The following ROBO2 variants were observed in gnomAD, a reference collection of about 807,000 sequenced individuals.
ROBO2 encodes the protein roundabout homolog 2.
Under a neutral mutation model 160.8 loss-of-function variants are expected in ROBO2, and 53 were observed. The observed-to-expected ratio is 0.33, with a 90% CI of 0.26 to 0.41. ROBO2 has a LOEUF of 0.41. Ranked by LOEUF, ROBO2 falls within the 10% of genes least tolerant of loss-of-function variation. The pLI is 1.00. For synonymous variants in ROBO2, 664 were observed against 611.7 expected (o/e 1.09, Z -1.26); for missense variants, 1,577 against 1,722.4 (o/e 0.92, Z 1.49).
At chr3:76,545,893 A>G (rs990526526) in intron 2 of ROBO2, among the ~76,000 whole-genome samples, 2 of 151,796 alleles carry the variant, frequency 1.3e-5, no homozygotes, top group Non-Finnish European at 3.0e-5. Context: ...GCAATATTCT[A>G]TTTATTACGA....
intron 2 of ROBO2, among the ~76,000 whole-genome samples, chr3:77,324,458 G>C (rs1448638399): frequency 6.6e-6 from 1 of 152,084 alleles, no homozygotes; most frequent in Non-Finnish European, 1.5e-5. Context: ...CAGTTGTAGG[G>C]AAAGTAGAAA....
At chr3:77,246,575 C>T (rs1169235861) in intron 2 of ROBO2, among the ~76,000 whole-genome samples, 1 of 151,478 alleles carries the variant, frequency 6.6e-6, no homozygotes, top group Non-Finnish European at 1.5e-5. Context: ...CAAAATGAGC[C>T]CACCCCCATG....
chr3:76,109,582 GT>G (rs1271565142), intron 2 of ROBO2, among the ~76,000 whole-genome samples: 1 of 151,968 alleles, frequency 6.6e-6, no homozygotes, highest in Non-Finnish European at 1.5e-5. Context: ...TGCTTTCAAT[GT>G]TTTTCATTTC....
chr3:76,566,245 G>A (rs1012935725), intron 2 of ROBO2, among the ~76,000 whole-genome samples: 2 of 152,154 alleles, frequency 1.3e-5, no homozygotes, highest in African/African-American at 4.8e-5. Flanking sequence ...TGTCTGCAAG[G>A]AGTACCTGTT....
intron 2 of ROBO2, among the ~76,000 whole-genome samples, chr3:76,721,918 T>C (rs2093472460): frequency 6.6e-6 from 1 of 152,212 alleles, no homozygotes. Flanking sequence ...GTGTTTTATA[T>C]TCATTGCCAA....
At chr3:76,133,668 G>C (rs1265597719) in intron 2 of ROBO2, among the ~76,000 whole-genome samples, 1 of 152,106 alleles carries the variant, frequency 6.6e-6, no homozygotes, top group Non-Finnish European at 1.5e-5. Context: ...CAAGAGTCCA[G>C]AAGCTGAAGA....
chr3:76,121,454 A>G (rs1470345018), intron 2 of ROBO2, among the ~76,000 whole-genome samples: 2 of 152,148 alleles, frequency 1.3e-5, no homozygotes, highest in Admixed American at 6.6e-5. Context: ...TGGTACAGGA[A>G]TGATTATTAA....
At chr3:76,915,810 A>G (rs566107696) in intron 2 of ROBO2, among the ~76,000 whole-genome samples, 1 of 152,174 alleles carries the variant, frequency 6.6e-6, no homozygotes, top group Non-Finnish European at 1.5e-5. Context: ...AATATCACAA[A>G]CCAGGAGGCC....
chr3:76,335,615 T>A (rs1344376310), intron 2 of ROBO2, among the ~76,000 whole-genome samples: 2 of 149,678 alleles, frequency 1.3e-5, no homozygotes, highest in Non-Finnish European at 3.0e-5. Context: ...TCTCGCTCTG[T>A]CGCCCAGGCT....
chr3:77,580,979 C>T (rs920596719), intron 16 of ROBO2, among the ~76,000 whole-genome samples: 2 of 152,058 alleles, frequency 1.3e-5, no homozygotes, highest in African/African-American at 2.4e-5. Context: ...CTTCTAGTTG[C>T]CCTACATTGT....
chr3:76,607,381 A>C lies in ROBO2; in HGVS notation c.110-490633A>C, dbSNP rs137965367. Among the ~76,000 whole-genome samples, 1,306 of 152,312 alleles carry C rather than the reference A, an allele frequency of 8.6e-3. 20 individuals carry two copies. The highest frequency in any genetic ancestry group is 0.029 in the African/African-American group (1,226 of 41,566). ...TATTGATATTTAACATTCAAAAGAAATATTTCTCAGACATTTTCCCCAATA... is the reference window on the plus strand; with the variant it reads ...TATTGATATTTAACATTCAAAAGAACTATTTCTCAGACATTTTCCCCAATA... On this transcript the variant is annotated intron_variant, in intron 2 of 26. Transcript: ENST00000487694.
intron 2 of ROBO2, among the ~76,000 whole-genome samples, chr3:76,070,553 C>T (rs182648323): frequency 1.9e-3 from 284 of 152,304 alleles, no homozygotes; most frequent in Non-Finnish European, 3.2e-3. Flanking sequence ...TCCTGTGGTC[C>T]TGTGATCTCA....
chr3:77,413,658 G>A (rs2076980564), intron 2 of ROBO2, among the ~76,000 whole-genome samples: 1 of 152,160 alleles, frequency 6.6e-6, no homozygotes, highest in Non-Finnish European at 1.5e-5. Context: ...AGGTTAAGAA[G>A]TAATTAGAAT....
chr3:77,050,064 A>T (rs1488396329), intron 1 of ROBO2, among the ~76,000 whole-genome samples: 1 of 152,224 alleles, frequency 6.6e-6, no homozygotes, highest in Non-Finnish European at 1.5e-5. Context: ...CAAATGCTAG[A>T]ATATGATTAA....
intron 2 of ROBO2, among the ~76,000 whole-genome samples, chr3:76,665,996 TA>T (rs1465455492): frequency 8.2e-6 from 1 of 122,616 alleles, no homozygotes; most frequent in Non-Finnish European, 1.8e-5. Context: ...GTAATATATA[TA>T]ATATATAATA....
chr3:76,487,711 C>T (rs189844043), intron 2 of ROBO2, among the ~76,000 whole-genome samples: 1 of 152,292 alleles, frequency 6.6e-6, no homozygotes, highest in African/African-American at 2.4e-5. Context: ...TCATCAGAGA[C>T]TCATCAGATC....
intron 2 of ROBO2, among the ~76,000 whole-genome samples, chr3:76,975,739 A>T (rs1180207383): frequency 2.0e-5 from 3 of 152,148 alleles, no homozygotes; most frequent in African/African-American, 7.2e-5. Flanking sequence ...TCAATTTATG[A>T]CTATAACTGT....
At position 77,598,487 on chromosome 3, in the gene ROBO2, G is replaced by GTGTA. The variant is rs1553690586; in HGVS notation, c.2854+1738_2854+1739insGTAT. Among the ~76,000 whole-genome samples, 6 of 136,942 alleles carry GTGTA rather than the reference G, an allele frequency of 4.4e-5. 1 individual carries two copies. The highest frequency in any genetic ancestry group is 1.6e-4 in the African/African-American group (6 of 37,236). 89.8% of individuals were successfully genotyped at this position (136,942 alleles called of 152,430 possible). Reference sequence around the variant, plus strand: ...ATATATATATTTATTTATATAGTGTGTATATATATATATATACGCACACAC... The same window carrying GTGTA: ...ATATATATATTTATTTATATAGTGTGTGTATATATATATATATATACGCACACAC... On this transcript the variant is annotated intron_variant, in intron 19 of 25. Coordinates refer to ENST00000461745, the Ensembl canonical transcript of ROBO2.
intron 2 of ROBO2, among the ~76,000 whole-genome samples, chr3:76,275,164 TATTCA>T (rs1018963328): frequency 6.6e-6 from 1 of 152,176 alleles, no homozygotes; most frequent in Non-Finnish European, 1.5e-5. Context: ...GCTGTACTTA[TATTCA>T]ATAATATCAG....
Sources: gnomAD v4.1 joint callset for allele counts (sites outside exome capture counted in the v4.1 genomes callset) on GRCh38, gnomAD v4.1.1 for gene constraint, MANE v1.5 for transcripts, NCBI Gene and HGNC (gene_info 2026-07-23, HGNC 2026-07-21) for gene names.